Variants in PPDPFL observed in about 807,000 individuals in gnomAD.
PPDPFL encodes pancreatic progenitor cell differentiation and proliferation factor-like protein.
Under a neutral mutation model 12.6 loss-of-function variants are expected in PPDPFL, and 12 were observed. The ratio of observed to expected loss-of-function variants is 0.95; its 90% CI spans 0.61 to 1.54. The LOEUF is 1.54. PPDPFL is among the 40% of genes most tolerant of loss of function. PPDPFL has a pLI of 0.00. For synonymous variants in PPDPFL, 24 were observed against 32.7 expected, an observed-to-expected ratio of 0.73 and a Z score of 0.91; for missense variants, 114 against 96.0, an observed-to-expected ratio of 1.19 and a Z score of -0.78.
At position 49,075,996 on chromosome 8, in the gene PPDPFL, A is replaced by G. The variant is rs1309195558; in HGVS notation, c.*823A>G. Reference sequence around the variant, plus strand: ...GGAGATGGGATTATGGGCGTTTTTCATTCTCTTTTTAATATATTTTTCCAT... The same window carrying G: ...GGAGATGGGATTATGGGCGTTTTTCGTTCTCTTTTTAATATATTTTTCCAT... On this transcript the variant is annotated 3_prime_UTR_variant, in exon 5 of 5. Coordinates refer to ENST00000522267, the MANE Select transcript of PPDPFL (RefSeq NM_001256597.2). 2.0e-5 allele frequency: 3 copies of G among 152,162 alleles called. No individual in the cohort carries two copies. Among genetic ancestry groups the G allele is most frequent in the African/African-American group, 7.2e-5 (3 of 41,444 alleles). 9.4% of individuals were successfully genotyped at this position (152,162 alleles called of 1,614,324 possible). A position where few individuals can be genotyped will look rare whatever the true frequency, so the allele number is the denominator to read the frequency against.
upstream of PPDPFL, among the ~76,000 whole-genome samples, chr8:49,072,108 T>C (rs1030686492): frequency 3.9e-5 from 6 of 152,234 alleles, no homozygotes; most frequent in Non-Finnish European, 7.3e-5. Context: ...GTTGTGATAT[T>C]AAAGAGGCTG....
At chr8:49,064,941 T>C (rs888560406) in intron 1 of PPDPFL, among the ~76,000 whole-genome samples, 1 of 152,196 alleles carries the variant, frequency 6.6e-6, no homozygotes, top group African/African-American at 2.4e-5. Flanking sequence ...ATGGAATGTC[T>C]GCTAGACAAT....
chr8:49,069,656 T>A (rs1319272799), upstream of PPDPFL, among the ~76,000 whole-genome samples: 1 of 152,138 alleles, frequency 6.6e-6, no homozygotes, highest in Non-Finnish European at 1.5e-5. Context: ...CAAAGGAATA[T>A]AAATTGTATC....
At chr8:49,062,854 T>C (rs900557193) in intron 1 of PPDPFL, among the ~76,000 whole-genome samples, 4 of 152,158 alleles carry the variant, frequency 2.6e-5, no homozygotes, top group African/African-American at 9.7e-5. Context: ...AAAATATTCA[T>C]GATCTCTGGC....
chr8:49,072,337 T>C (rs6983929), upstream of PPDPFL: 89,168 of 152,656 alleles, frequency 0.58, 26,391 homozygotes, highest in East Asian at 0.82. Context: ...CTCAGGGGTC[T>C]CCCATCACGG....
chr8:49,072,523 C>T (rs1016072186), intron 1 of PPDPFL, 41 bp downstream of exon 1: 6 of 198,310 alleles, frequency 3.0e-5, no homozygotes, highest in African/African-American at 1.2e-4. Context: ...CTTCTCTGAC[C>T]TTTAGGTCTG....
intron 4 of PPDPFL, chr8:49,074,798 C>A: frequency 1.4e-6 from 2 of 1,428,818 alleles, no homozygotes; most frequent in Non-Finnish European, 9.1e-7. Flanking sequence ...ACATTTTGAA[C>A]TCAAACACAC....
In PPDPFL at chr8:49,075,757, T is replaced by C. The variant is rs1192539629; in HGVS notation, c.*584T>C. 1 of 170,100 alleles carries C rather than the reference T, an allele frequency of 5.9e-6. No individual in the cohort carries two copies. The highest frequency in any genetic ancestry group is 1.3e-5 in the Non-Finnish European group (1 of 78,506). The allele number at this position is 170,100 out of a possible 1,614,324, so 10.5% of individuals were successfully genotyped here. ...ATGAAGGTTGGAAATAGCATATGTA[T>C]CATTAAGTATATTAGAGCTAATCAA... On this transcript the variant is annotated 3_prime_UTR_variant, in exon 5 of 5. Transcript: ENST00000522267.
chr8:49,058,849 C>G (rs1196730782), intron 1 of PPDPFL, among the ~76,000 whole-genome samples: 1 of 152,206 alleles, frequency 6.6e-6, no homozygotes, highest in Non-Finnish European at 1.5e-5. Flanking sequence ...TGAGCGCCAC[C>G]TCCACCCACT....
intron 4 of PPDPFL, 198 bp from the exon 5 acceptor site, chr8:49,074,954 A>T (rs1397192543): frequency 1.5e-5 from 20 of 1,377,016 alleles, no homozygotes; most frequent in Non-Finnish European, 1.7e-5. Context: ...ATTCTGATGA[A>T]TTTCCTATCT....
At chr8:49,073,240 C>T (rs533111840) in intron 2 of PPDPFL, among the ~76,000 whole-genome samples, 1 of 152,298 alleles carries the variant, frequency 6.6e-6, no homozygotes, top group East Asian at 1.9e-4. Flanking sequence ...GAAAAGATAG[C>T]ATGACTTTGC....
chr8:49,063,713 GA>G (rs58245068), intron 1 of PPDPFL, among the ~76,000 whole-genome samples: 1,949 of 148,336 alleles, frequency 0.013, 81 homozygotes, highest in East Asian at 0.087. Flanking sequence ...GTGAGACCCT[GA>G]AAAAAAAAAG....
At chr8:49,075,097 G>A in intron 4 of PPDPFL, 55 bp from the exon 5 acceptor site, 1 of 1,595,858 alleles carries the variant, frequency 6.3e-7, no homozygotes, top group East Asian at 2.2e-5. Flanking sequence ...GAATTATCTG[G>A]ACAGTGTTTC....
intron 1 of PPDPFL, among the ~76,000 whole-genome samples, chr8:49,059,496 G>T (rs1808162800): frequency 6.6e-6 from 1 of 152,136 alleles, no homozygotes; most frequent in African/African-American, 2.4e-5. Context: ...TAGATGCAAA[G>T]GTAGAAGACT....
At chr8:49,067,885 C>A (rs1808324782), upstream of PPDPFL, among the ~76,000 whole-genome samples, 1 of 152,078 alleles carries the variant, frequency 6.6e-6, no homozygotes, top group African/African-American at 2.4e-5. Flanking sequence ...CTCTTCTTGT[C>A]ATTATCAAAT....
chr8:49,072,965 C>G, intron 2 of PPDPFL, 80 bp downstream of exon 2: 2 of 1,247,176 alleles, frequency 1.6e-6, no homozygotes, highest in Non-Finnish European at 2.3e-6. Flanking sequence ...ACACAGGTAT[C>G]ATGTTACCTT....
rs1355046897 is a variant in PPDPFL at position 49,074,933 on chromosome 8, G to A, written c.234-219G>A. On this transcript the variant is annotated intron_variant, in intron 4 of 4. Coordinates refer to ENST00000522267, the MANE Select transcript of PPDPFL (RefSeq NM_001256597.2). ...AAAGGGATTCATAGATGCCAATGTT[G>A]AAATATAGTGATTCTGATGAATTTC... is the stretch of plus-strand genomic sequence containing the variant. The A allele has an allele frequency of 2.9e-6, 4 of 1,376,498 alleles. No individual in the cohort carries two copies. In the East Asian group the frequency reaches 1.0e-4, roughly 35 times the overall value. 85.3% of individuals were successfully genotyped at this position (1,376,498 alleles called of 1,614,324 possible).
At position 49,075,544 on chromosome 8, in the gene PPDPFL, T is replaced by C; in HGVS notation, c.*371T>C. The C allele has an allele frequency of 2.1e-6, 1 of 466,808 alleles. No individual in the cohort carries two copies. The highest frequency in any genetic ancestry group is 3.5e-5 in the East Asian group (1 of 28,858). The allele number at this position is 466,808 out of a possible 1,614,324, so 28.9% of individuals were successfully genotyped here. A position where few individuals can be genotyped will look rare whatever the true frequency, so the allele number is the denominator to read the frequency against. On this transcript the variant is annotated 3_prime_UTR_variant, in exon 5 of 5. Transcript: ENST00000522267. Reference sequence around the variant, plus strand: ...ATGTCTTCAAATGTTGTGACTTACATAAAGTAGCTCTTTCATTTTTTATAT... The same window carrying C: ...ATGTCTTCAAATGTTGTGACTTACACAAAGTAGCTCTTTCATTTTTTATAT...
intron 4 of PPDPFL, chr8:49,074,580 A>T (rs1317068274): frequency 6.5e-7 from 1 of 1,536,164 alleles, no homozygotes; most frequent in Non-Finnish European, 8.7e-7. Context: ...GTCATATGCC[A>T]AACTGTGTCA....
Sources: gnomAD v4.1 joint callset for allele counts (sites outside exome capture counted in the v4.1 genomes callset) on GRCh38, gnomAD v4.1.1 for gene constraint, MANE v1.5 for transcripts, NCBI Gene and HGNC (gene_info 2026-07-23, HGNC 2026-07-21) for gene names.